The following CCDC178 variants were observed in gnomAD, a reference collection of about 807,000 sequenced individuals.
CCDC178 encodes the protein coiled-coil domain containing 178, also known as coiled-coil domain-containing protein 178.
CCDC178 carries 126 observed loss-of-function variants against 117.4 expected under a neutral mutation model. That is an observed-to-expected ratio of 1.07 (90% CI 0.93 to 1.24). The LOEUF is 1.24. Among genes scored for constraint, CCDC178 ranks in the 50% most tolerant of loss-of-function variants. CCDC178 has a pLI of 0.00. For synonymous variants in CCDC178, 283 were observed against 313.4 expected (o/e 0.90, Z 1.02); for missense variants, 1,030 against 986.9 (o/e 1.04, Z -0.59).
chr18:33,171,712 G>A (rs2058601848), intron 20 of CCDC178, among the ~76,000 whole-genome samples: 1 of 152,170 alleles, frequency 6.6e-6, no homozygotes, highest in South Asian at 2.1e-4. Flanking sequence ...AATGTGTAGA[G>A]GAACAGTGTG....
At chr18:33,243,581 G>C (rs868334307) in intron 15 of CCDC178, among the ~76,000 whole-genome samples, 2 of 151,678 alleles carry the variant, frequency 1.3e-5, no homozygotes, top group African/African-American at 4.8e-5. Flanking sequence ...CTCTATTATG[G>C]GCTGGCAAAG....
intron 11 of CCDC178, among the ~76,000 whole-genome samples, chr18:33,309,938 CTTTTATTTATTTATTTATTTA>C (rs1224615033): frequency 7.5e-6 from 1 of 132,868 alleles, no homozygotes; most frequent in African/African-American, 2.8e-5. Context: ...TTTTTCTTTT[CTTTTATTTATTTATTTATTTA>C]TTTATTTATT....
chr18:33,373,276 G>A (rs938056669), intron 5 of CCDC178, among the ~76,000 whole-genome samples: 2 of 152,066 alleles, frequency 1.3e-5, no homozygotes, highest in African/African-American at 4.8e-5. Context: ...GCTAAAAACT[G>A]CTTCTACTCT....
intron 5 of CCDC178, among the ~76,000 whole-genome samples, chr18:33,374,834 T>C (rs780190330): frequency 5.9e-5 from 9 of 152,210 alleles, no homozygotes; most frequent in Non-Finnish European, 1.3e-4. Flanking sequence ...GGATGAATAT[T>C]ACAGACATTT....
chr18:33,024,323 C>T (rs545410222), intron 21 of CCDC178, among the ~76,000 whole-genome samples: 33 of 152,236 alleles, frequency 2.2e-4, no homozygotes, highest in Admixed American at 1.6e-3. Flanking sequence ...CTGGCTGGAT[C>T]GTTTTTATTC....
At chr18:32,959,857 A>C (rs1179672400) in intron 22 of CCDC178, among the ~76,000 whole-genome samples, 3 of 152,058 alleles carry the variant, frequency 2.0e-5, no homozygotes, top group Non-Finnish European at 4.4e-5. Flanking sequence ...TCCTGCTGGC[A>C]TAGAGTGAAT....
intron 20 of CCDC178, among the ~76,000 whole-genome samples, chr18:33,112,595 G>A (rs1436838076): frequency 6.6e-6 from 1 of 151,846 alleles, no homozygotes; most frequent in African/African-American, 2.4e-5. Context: ...AAGATAAAGT[G>A]AAGAGCTCAG....
At chr18:33,010,723 C>T (rs2055846305) in intron 21 of CCDC178, among the ~76,000 whole-genome samples, 1 of 152,154 alleles carries the variant, frequency 6.6e-6, no homozygotes, top group Admixed American at 6.5e-5. Flanking sequence ...CTGTCCTTTG[C>T]TCTAAAGAAT....
At position 33,256,726 on chromosome 18, in the gene CCDC178, T is replaced by C. The variant is rs1156396081; in HGVS notation, c.1409+10190A>G. 3.9e-5 allele frequency among the ~76,000 whole-genome samples: 6 copies of C among 152,098 alleles called. 1 individual carries two copies. The South Asian group carries it at 1.0e-3, about 26-fold the overall frequency. On this transcript the variant is annotated intron_variant, in intron 14 of 22. Transcript: ENST00000383096. ...TTGAATATTTCTTTCAGATTTTCTCTCTTTTTCTCTCTGTGCTGTATTCTG... is the reference window on the plus strand; with the variant it reads ...TTGAATATTTCTTTCAGATTTTCTCCCTTTTTCTCTCTGTGCTGTATTCTG...
chr18:33,338,392 C>T (rs542040758), intron 9 of CCDC178, among the ~76,000 whole-genome samples: 4 of 152,214 alleles, frequency 2.6e-5, no homozygotes, highest in African/African-American at 9.6e-5. Context: ...ATCCAGCAAT[C>T]CCATTACTAG....
At chr18:32,985,444 A>G (rs2055242966) in intron 21 of CCDC178, among the ~76,000 whole-genome samples, 1 of 151,948 alleles carries the variant, frequency 6.6e-6, no homozygotes, top group Non-Finnish European at 1.5e-5. Context: ...CTTGTTAGTG[A>G]TCTAGAATTG....
chr18:33,380,582 G>A (rs1359692932), intron 5 of CCDC178, among the ~76,000 whole-genome samples: 1 of 152,130 alleles, frequency 6.6e-6, no homozygotes, highest in African/African-American at 2.4e-5. Flanking sequence ...GATCCCTAGT[G>A]GAAAGGTAAA....
At chr18:33,098,716 C>A (rs1374292920) in intron 20 of CCDC178, among the ~76,000 whole-genome samples, 2 of 152,176 alleles carry the variant, frequency 1.3e-5, no homozygotes, top group East Asian at 1.9e-4. Flanking sequence ...TACTCCAGAG[C>A]ATCCTCACAT....
chr18:33,384,361 G>C (rs2063471308), intron 5 of CCDC178, among the ~76,000 whole-genome samples: 1 of 151,998 alleles, frequency 6.6e-6, no homozygotes, highest in African/African-American at 2.4e-5. Flanking sequence ...GAAATCCAGA[G>C]AACTCCAGCA....
intron 14 of CCDC178, among the ~76,000 whole-genome samples, chr18:33,265,858 C>T (rs2059806618): frequency 6.6e-6 from 1 of 151,936 alleles, no homozygotes; most frequent in Admixed American, 6.6e-5. Context: ...GAGTTCATGC[C>T]AGACATGACG....
chr18:33,199,620 G>A (rs1257898749), intron 20 of CCDC178, among the ~76,000 whole-genome samples: 1 of 152,006 alleles, frequency 6.6e-6, no homozygotes, highest in Admixed American at 6.6e-5. Context: ...CCTATACTTC[G>A]TTTTTTAATT....
intron 12 of CCDC178, among the ~76,000 whole-genome samples, chr18:33,287,545 G>A (rs1394601394): frequency 2.0e-5 from 3 of 152,096 alleles, no homozygotes; most frequent in Non-Finnish European, 4.4e-5. Context: ...TTGGGAGGTC[G>A]AGGTGGGTGG....
At chr18:33,086,602 T>C (rs2057382237) in intron 21 of CCDC178, among the ~76,000 whole-genome samples, 1 of 152,054 alleles carries the variant, frequency 6.6e-6, no homozygotes. Flanking sequence ...TTAACAGATT[T>C]CTTAATATTG....
At chr18:33,282,243 G>A (rs2060034526) in intron 12 of CCDC178, among the ~76,000 whole-genome samples, 1 of 152,194 alleles carries the variant, frequency 6.6e-6, no homozygotes, top group Non-Finnish European at 1.5e-5. Context: ...GACACTTGAG[G>A]TGGCAAGGAG....
Sources: gnomAD v4.1 joint callset for allele counts (sites outside exome capture counted in the v4.1 genomes callset) on GRCh38, gnomAD v4.1.1 for gene constraint, MANE v1.5 for transcripts, NCBI Gene and HGNC (gene_info 2026-07-23, HGNC 2026-07-21) for gene names.